ADARB2: variants seen among roughly 807,000 people sequenced by gnomAD.
ADARB2 encodes adenosine deaminase RNA specific B2 (inactive).
ADARB2 carries 25 observed loss-of-function variants against 62.2 expected under a neutral mutation model. The ratio of observed to expected loss-of-function variants is 0.40; its 90% CI spans 0.29 to 0.56. ADARB2 has a LOEUF of 0.56. Ranked by LOEUF, ADARB2 falls within the 20% of genes least tolerant of loss-of-function variation. The pLI, the probability that ADARB2 is intolerant of heterozygous loss-of-function variation, is 0.43. For synonymous variants in ADARB2, 572 were observed against 500.8 expected (o/e 1.14, Z -1.90); for missense variants, 1,071 against 1,077.4 (o/e 0.99, Z 0.08).
chr10:1,570,243 A>G (rs866100095), intron 1 of ADARB2, among the ~76,000 whole-genome samples: 1 of 152,206 alleles, frequency 6.6e-6, no homozygotes, highest in Admixed American at 6.5e-5. Context: ...TGTTTGCGGT[A>G]TGGTGAATAT....
At chr10:1,652,658 T>C (rs1453629384) in intron 1 of ADARB2, among the ~76,000 whole-genome samples, 2 of 152,242 alleles carry the variant, frequency 1.3e-5, no homozygotes, top group African/African-American at 2.4e-5. Flanking sequence ...GTTCTTGGTT[T>C]GTGTTGACCT....
At chr10:1,602,940 G>T (rs180996160) in intron 1 of ADARB2, among the ~76,000 whole-genome samples, 1 of 147,086 alleles carries the variant, frequency 6.8e-6, no homozygotes, top group South Asian at 2.3e-4. Context: ...CACATCATGC[G>T]CACACCTGTA....
At chr10:1,349,093 C>T (rs1055991916) in intron 3 of ADARB2, among the ~76,000 whole-genome samples, 3 of 152,158 alleles carry the variant, frequency 2.0e-5, no homozygotes, top group African/African-American at 7.2e-5. Context: ...CCAGTTTCTG[C>T]CTTAACTGAT....
At chr10:1,448,993 C>A (rs1831004393) in intron 1 of ADARB2, among the ~76,000 whole-genome samples, 1 of 152,184 alleles carries the variant, frequency 6.6e-6, no homozygotes, top group African/African-American at 2.4e-5. Context: ...CCTGCCCATA[C>A]ACTCTGGAGA....
intron 1 of ADARB2, among the ~76,000 whole-genome samples, chr10:1,700,253 A>G (rs1834804194): frequency 5.2e-5 from 1 of 19,074 alleles, no homozygotes; most frequent in Non-Finnish European, 1.1e-4. Context: ...GCGCTCGCCA[A>G]TACACTCAAT....
At chr10:1,309,427 C>T (rs1162501797) in intron 3 of ADARB2, among the ~76,000 whole-genome samples, 3 of 152,180 alleles carry the variant, frequency 2.0e-5, no homozygotes, top group Admixed American at 6.5e-5. Flanking sequence ...CTGGGATACA[C>T]GAGGCCTGTC....
chr10:1,510,705 A>C (rs773069539), intron 1 of ADARB2, among the ~76,000 whole-genome samples: 3 of 152,214 alleles, frequency 2.0e-5, no homozygotes, highest in Non-Finnish European at 4.4e-5. Flanking sequence ...TATCGTAATT[A>C]CTGTGAATCT....
At chr10:1,231,237 T>TC (rs1196277852) in intron 6 of ADARB2, among the ~76,000 whole-genome samples, 1 of 152,182 alleles carries the variant, frequency 6.6e-6, no homozygotes, top group African/African-American at 2.4e-5. Context: ...GCGGGACTTT[T>TC]CCTCTCAATT....
At chr10:1,556,737 G>A (rs772110280) in intron 1 of ADARB2, 1 of 534,530 alleles carries the variant, frequency 1.9e-6, no homozygotes, top group Non-Finnish European at 3.8e-6. Flanking sequence ...CAACAGAGTT[G>A]TGTGGGAGCC....
At chr10:1,375,847 TGCACACAC>T (rs1832420812) in intron 2 of ADARB2, among the ~76,000 whole-genome samples, 1 of 133,040 alleles carries the variant, frequency 7.5e-6, no homozygotes, top group East Asian at 2.2e-4. Flanking sequence ...ACCGCACACA[TGCACACAC>T]ATGCACATGA....
intron 4 of ADARB2, among the ~76,000 whole-genome samples, chr10:1,249,399 G>A (rs1043322462): frequency 2.7e-4 from 40 of 146,962 alleles, no homozygotes; most frequent in Admixed American, 1.0e-3. Flanking sequence ...CTGAGATTGC[G>A]CCACTGCTCT....
intron 7 of ADARB2, among the ~76,000 whole-genome samples, chr10:1,202,501 G>A (rs1441308771): frequency 6.6e-6 from 1 of 152,262 alleles, no homozygotes; most frequent in African/African-American, 2.4e-5. Context: ...TTTGAGGAGC[G>A]GTTGAGGGAT....
Position 1,678,344 on chromosome 10 carries a change from GGACCTCGGAGTGAGT to G in ADARB2, c.100+58692_100+58706del, listed in dbSNP as rs1241552279. The G allele has an allele frequency of 3.8e-5, 37 of 984,644 alleles. No homozygotes were observed. The Admixed American group carries it at 1.1e-3, about 30-fold the overall frequency. 61.0% of individuals were successfully genotyped at this position (984,644 alleles called of 1,614,324 possible). The stretch of plus-strand genomic sequence containing the variant: ...TCAGGGTGAACATCCTCGGGGTGAG[GGACCTCGGAGTGAGT>G]GACCTCGGGGTGAGCATCCTCGGGC... On this transcript the variant is annotated intron_variant, in intron 1 of 9. Transcript: ENST00000381312.
chr10:1,583,799 A>G (rs1833137702), intron 1 of ADARB2, among the ~76,000 whole-genome samples: 1 of 152,210 alleles, frequency 6.6e-6, no homozygotes, highest in Non-Finnish European at 1.5e-5. Context: ...GAGAAGCACC[A>G]ACTGGTGAAA....
chr10:1,368,503 C>A lies in ADARB2; in HGVS notation c.188-4586G>T, dbSNP rs1040042634. Among the ~76,000 whole-genome samples, 14 of 152,296 alleles carry A rather than the reference C, an allele frequency of 9.2e-5. No homozygotes were observed. The East Asian group carries it at 1.2e-3, about 13-fold the overall frequency. On this transcript the variant is annotated intron_variant, in intron 2 of 9. Coordinates refer to ENST00000381312, the MANE Select transcript of ADARB2 (RefSeq NM_018702.4). ...TGCACTTTGCAGGAATTCCAGGGAACCTGAAAGAAGGGTTTCCAGGGCCTC... is the reference window on the plus strand; with the variant it reads ...TGCACTTTGCAGGAATTCCAGGGAAACTGAAAGAAGGGTTTCCAGGGCCTC...
At chr10:1,731,477 C>A (rs367778944) in intron 1 of ADARB2, among the ~76,000 whole-genome samples, 1 of 152,178 alleles carries the variant, frequency 6.6e-6, no homozygotes, top group Non-Finnish European at 1.5e-5. Flanking sequence ...CACCAGAGCA[C>A]GTTAGCTGTC....
chr10:1,588,036 G>T (rs915786441), intron 1 of ADARB2, among the ~76,000 whole-genome samples: 1 of 152,042 alleles, frequency 6.6e-6, no homozygotes, highest in Non-Finnish European at 1.5e-5. Context: ...AGCTGAAAGC[G>T]GACTAATGCA....
rs573944641 is a variant in ADARB2 at position 1,511,718 on chromosome 10, A to G, written c.101-132558T>C. On this transcript the variant is annotated intron_variant, in intron 1 of 9. Transcript: ENST00000381312. ...GATACTGTCCACACTAGATACCAAG[A>G]CTTTGATACTGTCTACACTGGATAC... 2.0e-5 allele frequency among the ~76,000 whole-genome samples: 3 copies of G among 151,930 alleles called. No homozygotes were observed. The South Asian group carries it at 6.3e-4, about 32-fold the overall frequency.
intron 1 of ADARB2, among the ~76,000 whole-genome samples, chr10:1,517,402 G>A (rs1009368771): frequency 1.1e-4 from 16 of 152,128 alleles, no homozygotes; most frequent in African/African-American, 3.6e-4. Context: ...AAGCAATTAT[G>A]GAAACTGGTA....
Sources: allele counts gnomAD v4.1 joint callset (sites outside exome capture counted in the v4.1 genomes callset), GRCh38; gene constraint gnomAD v4.1.1; transcripts MANE v1.5; gene names NCBI Gene and HGNC (gene_info 2026-07-23, HGNC 2026-07-21).